MUSK: variants seen among roughly 807,000 people sequenced by gnomAD.
MUSK encodes the protein muscle, skeletal receptor tyrosine-protein kinase.
Under a neutral mutation model 88.7 loss-of-function variants are expected in MUSK, and 55 were observed. That is an observed-to-expected ratio of 0.62 (90% CI 0.50 to 0.78). The LOEUF is 0.78. Ranked by LOEUF, MUSK falls within the 30% of genes least tolerant of loss-of-function variation. The pLI is 0.00. For missense variants in MUSK, 1,015 were observed against 1,074.3 expected, an observed-to-expected ratio of 0.94 and a Z score of 0.77; for synonymous variants, 387 against 391.9, an observed-to-expected ratio of 0.99 and a Z score of 0.15.
rs2078142606 is a variant in MUSK, at chr9:110,804,840, G to C, written c.*3852G>C. On this transcript the variant is annotated 3_prime_UTR_variant, in exon 15 of 15. Coordinates refer to ENST00000374448, the MANE Select transcript of MUSK (RefSeq NM_005592.4). The stretch of plus-strand genomic sequence containing the variant: ...CATTAACATCATAATATTCTTCCAG[G>C]CTTTTTCAGATAGACAGGTAGGTAA... Among the ~76,000 whole-genome samples, 1 of 151,750 alleles carries C rather than the reference G, an allele frequency of 6.6e-6. No homozygotes were observed. The highest frequency in any genetic ancestry group is 6.6e-5 in the Admixed American group (1 of 15,236).
At chr9:110,669,184 T>A (rs1369384198) in intron 1 of MUSK, among the ~76,000 whole-genome samples, 1 of 152,202 alleles carries the variant, frequency 6.6e-6, no homozygotes, top group Admixed American at 6.5e-5. Flanking sequence ...TACTCCGAAG[T>A]TCTGCAATAA....
At chr9:110,764,603 T>TAGATAGATTAGATAGA (rs143325894) in intron 8 of MUSK, among the ~76,000 whole-genome samples, 4 of 149,006 alleles carry the variant, frequency 2.7e-5, no homozygotes, top group Admixed American at 6.7e-5. Flanking sequence ...GATAGATAGA[T>TAGATAGATTAGATAGA]TAGATAGATA....
At chr9:110,701,727 T>C (rs2076515550) in intron 5 of MUSK, among the ~76,000 whole-genome samples, 1 of 24 alleles carries the variant, frequency 0.042, no homozygotes, top group Non-Finnish European at 0.071. Context: ...TTATTTTATT[T>C]TATTTTATTT....
intron 7 of MUSK, among the ~76,000 whole-genome samples, chr9:110,759,095 C>T (rs573494334): frequency 6.6e-6 from 1 of 152,272 alleles, no homozygotes; most frequent in East Asian, 1.9e-4. Context: ...TACAGGACTG[C>T]AGTAACCAAA....
intron 9 of MUSK, among the ~76,000 whole-genome samples, chr9:110,771,646 G>A (rs1220396618): frequency 1.3e-5 from 2 of 152,102 alleles, no homozygotes; most frequent in Non-Finnish European, 2.9e-5. Flanking sequence ...TGAAGAAGTA[G>A]GTAGGGTCAA....
intron 7 of MUSK, among the ~76,000 whole-genome samples, chr9:110,758,313 T>C (rs2077353959): frequency 6.6e-6 from 1 of 152,176 alleles, no homozygotes; most frequent in Non-Finnish European, 1.5e-5. Flanking sequence ...TCCAAATGAA[T>C]TTATAGTGAG....
Position 110,767,954 on chromosome 9 carries a change from T to C in MUSK, c.1055T>C (p.Val352Ala), listed in dbSNP as rs753919630. ...ADPEEAQELL[V>A]HTAWNELKVV... ...CCTGAGGAGGCCCAAGAGCTACTGG[T>C]CCACACGGCCTGGAATGAACTGAAA... The change falls in exon 9 of 15, where the codon GTC becomes GCC. Residue 352 changes from valine to alanine, a missense_variant. Coordinates refer to ENST00000374448, the MANE Select transcript of MUSK (RefSeq NM_005592.4). 6.2e-7 allele frequency: 1 copy of C among 1,613,926 alleles called. No homozygotes were observed. The highest frequency in any genetic ancestry group is 1.7e-5 in the Admixed American group (1 of 60,012).
chr9:110,798,755 T>C (rs1195748308), intron 14 of MUSK, among the ~76,000 whole-genome samples: 1 of 152,180 alleles, frequency 6.6e-6, no homozygotes, highest in African/African-American at 2.4e-5. Flanking sequence ...GTTGGAGTAA[T>C]TACAATATAG....
At chr9:110,724,123 T>C (rs1328361199) in intron 5 of MUSK, among the ~76,000 whole-genome samples, 3 of 152,024 alleles carry the variant, frequency 2.0e-5, no homozygotes, top group Admixed American at 1.3e-4. Flanking sequence ...GCATTTCTAC[T>C]ATTATATGTA....
intron 5 of MUSK, among the ~76,000 whole-genome samples, chr9:110,723,487 G>T (rs955510923): frequency 6.6e-6 from 1 of 151,962 alleles, no homozygotes. Flanking sequence ...AGTGGAAGGG[G>T]GATGAGGGAT....
intron 5 of MUSK, among the ~76,000 whole-genome samples, chr9:110,723,904 C>T (rs927067273): frequency 4.6e-5 from 7 of 152,036 alleles, no homozygotes; most frequent in Admixed American, 3.9e-4. Context: ...CTCTACTGCT[C>T]ACACTCCTGT....
chr9:110,733,579 T>A (rs953910431), intron 5 of MUSK, among the ~76,000 whole-genome samples: 1 of 152,084 alleles, frequency 6.6e-6, no homozygotes, highest in Non-Finnish European at 1.5e-5. Flanking sequence ...TATCCTTTTT[T>A]TTTTTTGCCC....
intron 1 of MUSK, 95 bp downstream of exon 1, chr9:110,669,078 G>A (rs1466370922): frequency 8.7e-7 from 1 of 1,147,550 alleles, no homozygotes. Context: ...AGTATGGTGG[G>A]CTTGGGTTTT....
At chr9:110,761,022 A>G (rs2077390335) in intron 7 of MUSK, among the ~76,000 whole-genome samples, 1 of 152,220 alleles carries the variant, frequency 6.6e-6, no homozygotes, top group African/African-American at 2.4e-5. Context: ...TAGACAAAGC[A>G]TATGTTTTAC....
At chr9:110,785,155 C>T (rs939451826) in intron 12 of MUSK, 139 bp downstream of exon 12, 3 of 766,588 alleles carry the variant, frequency 3.9e-6, no homozygotes, top group Non-Finnish European at 6.2e-6. Flanking sequence ...AATTAAGCAC[C>T]CCCATCATGA....
intron 8 of MUSK, among the ~76,000 whole-genome samples, chr9:110,766,999 T>A (rs1239934066): frequency 1.3e-5 from 2 of 152,228 alleles, no homozygotes; most frequent in Non-Finnish European, 2.9e-5. Context: ...CCCAATTGTC[T>A]TCAGTTATTA....
chr9:110,762,080 GA>G, intron 7 of MUSK, 121 bp from the exon 8 acceptor site: 1 of 1,054,582 alleles, frequency 9.5e-7, no homozygotes, highest in Non-Finnish European at 1.2e-6. Flanking sequence ...GAACTTTTCA[GA>G]AACTTAGAGA....
intron 14 of MUSK, among the ~76,000 whole-genome samples, chr9:110,799,027 G>A (rs1299150487): frequency 6.6e-6 from 1 of 152,116 alleles, no homozygotes; most frequent in East Asian, 1.9e-4. Flanking sequence ...GCCAGTTGAT[G>A]AGATAGGTAA....
At chr9:110,722,723 G>A (rs2076830375) in intron 5 of MUSK, among the ~76,000 whole-genome samples, 1 of 151,612 alleles carries the variant, frequency 6.6e-6, no homozygotes, top group Non-Finnish European at 1.5e-5. Flanking sequence ...ATCAAAAAGT[G>A]GGCTAAGGAC....
Sources: allele counts gnomAD v4.1 joint callset (sites outside exome capture counted in the v4.1 genomes callset), GRCh38; gene constraint gnomAD v4.1.1; transcripts MANE v1.5; gene names NCBI Gene and HGNC (gene_info 2026-07-23, HGNC 2026-07-21).